ZNRF3: variants seen among roughly 807,000 people sequenced by gnomAD.
ZNRF3 encodes zinc and ring finger 3.
In ZNRF3, 23 loss-of-function variants were observed where a neutral mutation model predicts 72.5. The observed-to-expected ratio is 0.32, with a 90% CI of 0.23 to 0.45. The LOEUF (loss-of-function observed/expected upper bound fraction) is 0.45, where lower values mean the gene tolerates loss of function less well. ZNRF3 is among the 20% of genes least tolerant of loss of function. The pLI is 1.00. For missense variants in ZNRF3, 1,169 were observed against 1,272.1 expected, an observed-to-expected ratio of 0.92 and a Z score of 1.23; for synonymous variants, 610 against 545.3, an observed-to-expected ratio of 1.12 and a Z score of -1.65.
At chr22:28,937,563 G>A (rs1049940190) in intron 1 of ZNRF3, among the ~76,000 whole-genome samples, 15 of 152,096 alleles carry the variant, frequency 9.9e-5, no homozygotes, top group African/African-American at 2.9e-4. Context: ...TCTCAAACTT[G>A]CATCTATCAG....
At position 29,050,269 on chromosome 22, in the gene ZNRF3, C is replaced by G; in HGVS notation, c.2088C>G (p.Asp696Glu). Residue 696 changes from aspartate (D) to glutamate (E), a missense_variant, in exon 8 of 9, where the codon GAC (aspartate) becomes GAG (glutamate). Asp to Glu is a conservative substitution (Grantham distance 45). This residue lies in a region of ZNRF3 where 783 missense variants were observed against 731.4 expected (regional missense o/e 1.07). Transcript: ENST00000544604. Reference sequence around the variant, plus strand: ...AGGCTTCTCCTGGGGCCGCCCCTGACCTCAGGAGGACCTGGAAGGGGGGCC... The same window carrying G: ...AGGCTTCTCCTGGGGCCGCCCCTGAGCTCAGGAGGACCTGGAAGGGGGGCC... ...GLEASPGAAP[D>E]LRRTWKGGHE... 6.3e-7 allele frequency: 1 copy of G among 1,598,086 alleles called. No individual in the cohort carries two copies. Among genetic ancestry groups the G allele is most frequent in the Non-Finnish European group, 8.5e-7 (1 of 1,178,852 alleles).
intron 2 of ZNRF3, among the ~76,000 whole-genome samples, chr22:29,000,341 A>G (rs541543159): frequency 2.8e-4 from 42 of 152,208 alleles, no homozygotes; most frequent in Non-Finnish European, 5.6e-4. Context: ...AAATGTATCA[A>G]TTCACAAAAG....
In ZNRF3 at chr22:28,883,939, C is replaced by T; in HGVS notation, c.173C>T (p.Thr58Met). The change falls in exon 1 of 9, where the codon ACG becomes ATG. Residue 58 changes from threonine to methionine, a missense_variant. Physicochemically the swap from Thr to Met is moderately conservative, Grantham distance 81 (BLOSUM62 -1). Transcript: ENST00000544604. The surrounding 1 kb of genome is among the most constrained non-coding windows in gnomAD (Gnocchi z 5.5). ...CCCGGCGCGGCGCGGGCCAAGGAGA[C>T]GGCGTTCGTGGAGGTGGTGCTGTTC... ...AGPGAARAKE[T>M]AFVEVVLFES... The T allele has an allele frequency of 8.0e-7, 1 of 1,257,044 alleles. No individual in the cohort carries two copies. Among genetic ancestry groups the T allele is most frequent in the South Asian group, 1.5e-5 (1 of 66,338 alleles). 77.9% of individuals were successfully genotyped at this position (1,257,044 alleles called of 1,614,324 possible). A position where few individuals can be genotyped will look rare whatever the true frequency, so the allele number is the denominator to read the frequency against.
intron 1 of ZNRF3, among the ~76,000 whole-genome samples, chr22:28,955,739 C>T (rs953870950): frequency 3.3e-5 from 5 of 150,450 alleles, no homozygotes; most frequent in South Asian, 2.1e-4. Context: ...GGCAACATAG[C>T]GAGACCCTGT....
chr22:28,976,956 G>C (rs1262207395), intron 1 of ZNRF3, among the ~76,000 whole-genome samples: 1 of 152,206 alleles, frequency 6.6e-6, no homozygotes, highest in Non-Finnish European at 1.5e-5. Context: ...CCATATGTAA[G>C]TTTTAACATA....
At chr22:29,011,076 T>C (rs772684890) in intron 2 of ZNRF3, among the ~76,000 whole-genome samples, 2 of 152,264 alleles carry the variant, frequency 1.3e-5, no homozygotes, top group Non-Finnish European at 2.9e-5. Context: ...TTCATCTTCA[T>C]CTACCTTTTT....
At chr22:28,920,487 T>C (rs1220732826) in intron 1 of ZNRF3, among the ~76,000 whole-genome samples, 1 of 152,136 alleles carries the variant, frequency 6.6e-6, no homozygotes, top group Non-Finnish European at 1.5e-5. Context: ...GCCAGGCTTG[T>C]CTCGAACTCC....
At chr22:28,937,195 ATATATATATATATATATATATTTTTT>A (rs2034841063) in intron 1 of ZNRF3, among the ~76,000 whole-genome samples, 2 of 91,182 alleles carry the variant, frequency 2.2e-5, no homozygotes, top group African/African-American at 1.5e-4. Flanking sequence ...ATATATATAT[ATATATATATATATATATATATTTTTT>A]TTTTTTTTTT....
chr22:29,001,130 G>T (rs1320379750), intron 2 of ZNRF3, among the ~76,000 whole-genome samples: 1 of 134,872 alleles, frequency 7.4e-6, no homozygotes, highest in African/African-American at 2.8e-5. Flanking sequence ...GTGCAGTGGC[G>T]CGATTTCAGC....
intron 1 of ZNRF3, among the ~76,000 whole-genome samples, chr22:28,903,997 C>G (rs1305216202): frequency 6.6e-6 from 1 of 152,110 alleles, no homozygotes. Context: ...TGTCTCTCTC[C>G]TCAAAGTGTC....
intron 1 of ZNRF3, among the ~76,000 whole-genome samples, chr22:28,940,870 A>C (rs1482381308): frequency 6.6e-6 from 1 of 152,222 alleles, no homozygotes; most frequent in Non-Finnish European, 1.5e-5. Flanking sequence ...AATTTATAAA[A>C]TGACCAAAAT....
intron 2 of ZNRF3, among the ~76,000 whole-genome samples, chr22:29,037,384 A>C (rs1207611895): frequency 6.6e-6 from 1 of 152,200 alleles, no homozygotes; most frequent in Non-Finnish European, 1.5e-5. Flanking sequence ...GTACATTTGC[A>C]CTGGAACATT....
At chr22:28,924,141 A>G (rs1255416942) in intron 1 of ZNRF3, among the ~76,000 whole-genome samples, 1 of 152,202 alleles carries the variant, frequency 6.6e-6, no homozygotes, top group Middle Eastern at 3.2e-3. Context: ...AAATTTAAAC[A>G]AAGACACCCC....
chr22:29,049,654 AC>A lies in ZNRF3; in HGVS notation c.1477del (p.Arg493GlyfsTer77). 1 of 1,609,482 alleles carries A rather than the reference AC, an allele frequency of 6.2e-7. No homozygotes were observed. ...AGGGGCAGTCCCCACCTAGCCTCGC[AC>A]CCCGGGGCCCGGCCCGTGCCTTTCC... Reference protein sequence around the residue: ...QEGQSPPSLAPRGPARAFPPS... With the variant: ...QEGQSPPSLAXRGPARAFPPS... On this transcript the variant is annotated frameshift_variant, in exon 8 of 9. Coordinates refer to ENST00000544604, the MANE Select transcript of ZNRF3 (RefSeq NM_001206998.2). LOFTEE classifies it high-confidence loss of function. The surrounding 1 kb of genome is among the most constrained non-coding windows in gnomAD (Gnocchi z 5.2).
At chr22:28,956,385 C>T (rs1438310653) in intron 1 of ZNRF3, among the ~76,000 whole-genome samples, 1 of 132,622 alleles carries the variant, frequency 7.5e-6, no homozygotes, top group Admixed American at 8.2e-5. Context: ...TTTAAAGCTG[C>T]ATCCTTTTGC....
At chr22:28,975,507 CAA>C (rs71316877) in intron 1 of ZNRF3, among the ~76,000 whole-genome samples, 30 of 47,882 alleles carry the variant, frequency 6.3e-4, no homozygotes, top group African/African-American at 2.5e-3. Context: ...TACTCTGTCT[CAA>C]AAAAAAAAAA....
intron 2 of ZNRF3, among the ~76,000 whole-genome samples, chr22:28,988,614 C>A (rs1036317800): frequency 6.6e-6 from 1 of 152,306 alleles, no homozygotes. Flanking sequence ...GATACTTCAT[C>A]ATTTAAATAA....
intron 1 of ZNRF3, among the ~76,000 whole-genome samples, chr22:28,906,207 G>C (rs1372279603): frequency 1.3e-5 from 2 of 152,208 alleles, no homozygotes; most frequent in African/African-American, 4.8e-5. Context: ...CACGTCTGTA[G>C]TCCCAACTAC....
intron 1 of ZNRF3, among the ~76,000 whole-genome samples, chr22:28,970,380 G>T (rs888705827): frequency 1.3e-5 from 2 of 152,216 alleles, no homozygotes; most frequent in Non-Finnish European, 2.9e-5. Context: ...TGTCAGTGAG[G>T]AAGTGGAACA....
Sources: allele counts gnomAD v4.1 joint callset (sites outside exome capture counted in the v4.1 genomes callset), GRCh38; gene constraint gnomAD v4.1.1; regional missense constraint gnomAD v4.1.1; non-coding constraint Gnocchi (gnomAD v3.1); transcripts MANE v1.5; gene names NCBI Gene and HGNC (gene_info 2026-07-23, HGNC 2026-07-21).